LPAR3: variants seen among roughly 807,000 people sequenced by gnomAD.
LPAR3 encodes lysophosphatidic acid receptor 3.
In LPAR3, 7 loss-of-function variants were observed where a neutral mutation model predicts 17.8. That is an observed-to-expected ratio of 0.39 (90% confidence interval 0.22 to 0.74). The LOEUF is 0.74. Ranked by LOEUF, LPAR3 falls within the 30% of genes least tolerant of loss-of-function variation. The pLI, the probability that LPAR3 is intolerant of heterozygous loss-of-function variation, is 0.40. For synonymous variants in LPAR3, 179 were observed against 179.9 expected, an observed-to-expected ratio of 0.99 and a Z score of 0.04; for missense variants, 391 against 453.4, an observed-to-expected ratio of 0.86 and a Z score of 1.25.
At chr1:84,882,726 T>G (rs1027902002) in intron 1 of LPAR3, among the ~76,000 whole-genome samples, 1 of 152,162 alleles carries the variant, frequency 6.6e-6, no homozygotes, top group Non-Finnish European at 1.5e-5. Context: ...GAATTCACAA[T>G]GGAGAAAAGA....
chr1:84,866,080 TA>T lies in LPAR3; in HGVS notation c.40del (p.Tyr14IlefsTer18). On this transcript the variant is annotated frameshift_variant, in exon 2 of 3. Transcript: ENST00000370611. LOFTEE classifies it high-confidence loss of function. Reference sequence around the variant, plus strand: ...GACAGTATCAGTGTTGCTCCTATTATAAAAAAAGTCCATGTGCTTGTCATAG... The same window carrying T: ...GACAGTATCAGTGTTGCTCCTATTATAAAAAAGTCCATGTGCTTGTCATAG... ...CHYDKHMDFF[Y>X]NRSNTDTVDD... The T allele has an allele frequency of 1.2e-6, 2 of 1,600,856 alleles. No homozygotes were observed. Among genetic ancestry groups the T allele is most frequent in the Non-Finnish European group, 1.7e-6 (2 of 1,175,168 alleles).
intron 2 of LPAR3, among the ~76,000 whole-genome samples, chr1:84,853,173 A>C (rs1659753692): frequency 6.6e-6 from 1 of 151,820 alleles, no homozygotes; most frequent in East Asian, 1.9e-4. Flanking sequence ...AGCAGTAGTT[A>C]GAAGGGGAGT....
At chr1:84,885,648 G>A (rs1009469970) in intron 1 of LPAR3, among the ~76,000 whole-genome samples, 1 of 152,176 alleles carries the variant, frequency 6.6e-6, no homozygotes, top group African/African-American at 2.4e-5. Flanking sequence ...CATGAGCTAT[G>A]GCTGGGAAGA....
intron 1 of LPAR3, among the ~76,000 whole-genome samples, chr1:84,892,314 C>A (rs545258866): frequency 6.6e-6 from 1 of 152,130 alleles, no homozygotes; most frequent in Admixed American, 6.5e-5. Context: ...CTTAATAAGA[C>A]TAAATTGTTT....
chr1:84,892,660 G>T (rs1212448035), intron 1 of LPAR3, among the ~76,000 whole-genome samples: 2 of 152,238 alleles, frequency 1.3e-5, no homozygotes, highest in East Asian at 3.8e-4. Context: ...CAATGAGACT[G>T]AGTTTGGAAA....
intron 2 of LPAR3, among the ~76,000 whole-genome samples, chr1:84,855,131 G>A (rs375907787): frequency 7.9e-5 from 12 of 152,134 alleles, no homozygotes; most frequent in Admixed American, 4.6e-4. Context: ...CTAGGTCCAC[G>A]ACAGGGCATA....
chr1:84,876,953 T>A (rs530984691), intron 1 of LPAR3, among the ~76,000 whole-genome samples: 4 of 152,128 alleles, frequency 2.6e-5, no homozygotes, highest in African/African-American at 9.7e-5. Flanking sequence ...AGATAGTAAG[T>A]GATTCAATAA....
intron 1 of LPAR3, among the ~76,000 whole-genome samples, chr1:84,891,288 G>T (rs1455694128): frequency 6.6e-6 from 1 of 152,034 alleles, no homozygotes; most frequent in Non-Finnish European, 1.5e-5. Flanking sequence ...TTGCCAAAAT[G>T]ACCTATTTTC....
At chr1:84,825,711 A>C (rs774936071) in intron 2 of LPAR3, among the ~76,000 whole-genome samples, 5 of 152,158 alleles carry the variant, frequency 3.3e-5, no homozygotes, top group Non-Finnish European at 7.3e-5. Flanking sequence ...ACCTCTGTTT[A>C]AAAATGTTGC....
intron 2 of LPAR3, among the ~76,000 whole-genome samples, chr1:84,862,630 A>G (rs896654183): frequency 1.3e-5 from 2 of 152,250 alleles, no homozygotes; most frequent in Non-Finnish European, 2.9e-5. Context: ...AATTATTTTA[A>G]CAATCACACT....
chr1:84,864,269 T>C (rs973562423), intron 2 of LPAR3, among the ~76,000 whole-genome samples: 1 of 151,596 alleles, frequency 6.6e-6, no homozygotes, highest in East Asian at 1.9e-4. Flanking sequence ...TCAACTACCA[T>C]CTGGCCATGG....
chr1:84,889,107 G>C (rs1166734831), intron 1 of LPAR3, among the ~76,000 whole-genome samples: 5 of 152,064 alleles, frequency 3.3e-5, no homozygotes, highest in Non-Finnish European at 7.4e-5. Flanking sequence ...CCAAGGAAGA[G>C]GAATAAAGAG....
At chr1:84,854,367 A>G (rs1477298850) in intron 2 of LPAR3, among the ~76,000 whole-genome samples, 1 of 152,116 alleles carries the variant, frequency 6.6e-6, no homozygotes, top group African/African-American at 2.4e-5. Context: ...GCATTTTTTC[A>G]GCCTAGGCCC....
At chr1:84,842,688 T>C (rs1256101752) in intron 2 of LPAR3, among the ~76,000 whole-genome samples, 1 of 152,240 alleles carries the variant, frequency 6.6e-6, no homozygotes. Flanking sequence ...ATTTTTTCTT[T>C]ATGTAGGCAA....
chr1:84,813,619 A>G lies in LPAR3; in HGVS notation c.*227T>C, dbSNP rs1570849284. The G allele has an allele frequency of 2.0e-6, 1 of 507,054 alleles. No homozygotes were observed. Among genetic ancestry groups the G allele is most frequent in the Non-Finnish European group, 3.5e-6 (1 of 283,068 alleles). The allele number at this position is 507,054 out of a possible 1,614,324, so 31.4% of individuals were successfully genotyped here. ...GCTCTGAGCAGTTCATAGGACAAGCAGGGACCCGCCGAACCTCTCCCGTTT... is the reference window on the plus strand; with the variant it reads ...GCTCTGAGCAGTTCATAGGACAAGCGGGGACCCGCCGAACCTCTCCCGTTT... On this transcript the variant is annotated 3_prime_UTR_variant, in exon 3 of 3. Coordinates refer to ENST00000370611, the MANE Select transcript of LPAR3 (RefSeq NM_012152.3).
intron 2 of LPAR3, among the ~76,000 whole-genome samples, chr1:84,840,784 G>C (rs1310162822): frequency 1.3e-5 from 2 of 152,130 alleles, no homozygotes; most frequent in Non-Finnish European, 2.9e-5. Flanking sequence ...AACAATAATT[G>C]TGTTTAAGAA....
At chr1:84,814,716 C>A (rs1470502653) in intron 2 of LPAR3, among the ~76,000 whole-genome samples, 1 of 152,212 alleles carries the variant, frequency 6.6e-6, no homozygotes, top group Admixed American at 6.5e-5. Flanking sequence ...ATCACCTGCT[C>A]ATAAATTTCA....
chr1:84,889,348 G>A (rs1660513906), intron 1 of LPAR3, among the ~76,000 whole-genome samples: 1 of 152,180 alleles, frequency 6.6e-6, no homozygotes, highest in South Asian at 2.1e-4. Context: ...AGAGACCCAA[G>A]TCAGCAAGAA....
rs985689481 is a variant in LPAR3, at chr1:84,813,865, C to A, written c.1043G>T (p.Cys348Phe). ...CAGAGTTTAGGAAGTGCTTTTATTGCAGACTGCACCTTGGCTAATACTATC... is the reference window on the plus strand; with the variant it reads ...CAGAGTTTAGGAAGTGCTTTTATTGAAGACTGCACCTTGGCTAATACTATC... ...IEDSISQGAV[C>F]NKSTS is the part of the protein sequence containing the mutation. Residue 348 changes from cysteine (C) to phenylalanine (F), a missense_variant, in exon 3 of 3, where the codon TGC (cysteine) becomes TTC (phenylalanine). Cys to Phe is a radical substitution (Grantham distance 205). Coordinates refer to ENST00000370611, the MANE Select transcript of LPAR3 (RefSeq NM_012152.3). The A allele has an allele frequency of 6.0e-5, 97 of 1,612,758 alleles. No homozygotes were observed. Among genetic ancestry groups the A allele is most frequent in the Non-Finnish European group, 7.7e-5 (91 of 1,179,004 alleles).
Sources: gnomAD v4.1 joint callset for allele counts (sites outside exome capture counted in the v4.1 genomes callset) on GRCh38, gnomAD v4.1.1 for gene constraint, MANE v1.5 for transcripts, NCBI Gene and HGNC (gene_info 2026-07-23, HGNC 2026-07-21) for gene names.